COL8A1: variants seen among roughly 807,000 people sequenced by gnomAD.
The protein encoded by COL8A1 is collagen alpha-1(VIII) chain.
COL8A1 carries 21 observed loss-of-function variants against 42.7 expected under a neutral mutation model. The observed-to-expected ratio is 0.49, with a 90% confidence interval of 0.35 to 0.71. COL8A1 has a LOEUF of 0.71. COL8A1 is among the 30% of genes least tolerant of loss of function. The pLI, the probability that COL8A1 is intolerant of heterozygous loss-of-function variation, is 0.01. For synonymous variants in COL8A1, 367 were observed against 369.1 expected, an observed-to-expected ratio of 0.99 and a Z score of 0.06; for missense variants, 788 against 962.4, an observed-to-expected ratio of 0.82 and a Z score of 2.40.
intron 1 of COL8A1, among the ~76,000 whole-genome samples, chr3:99,646,424 G>T (rs780579965): frequency 2.0e-5 from 3 of 152,152 alleles, no homozygotes; most frequent in African/African-American, 7.2e-5. Context: ...GGCAAGGGGC[G>T]TGTCACTGAT....
At chr3:99,698,137 G>A (rs1939433343) in intron 1 of COL8A1, among the ~76,000 whole-genome samples, 2 of 152,214 alleles carry the variant, frequency 1.3e-5, no homozygotes, top group South Asian at 2.1e-4. Flanking sequence ...CCCTGCAAAG[G>A]ACAGGAACTC....
chr3:99,729,667 T>C (rs962945864), intron 1 of COL8A1, among the ~76,000 whole-genome samples: 1 of 152,022 alleles, frequency 6.6e-6, no homozygotes, highest in Admixed American at 6.6e-5. Context: ...TCCTAGAGTT[T>C]TATGAGACTC....
chr3:99,671,708 A>T (rs928412716), intron 1 of COL8A1, among the ~76,000 whole-genome samples: 1 of 152,016 alleles, frequency 6.6e-6, no homozygotes, highest in African/African-American at 2.4e-5. Flanking sequence ...GAACCATTGT[A>T]CATTGTTGGT....
chr3:99,767,960 G>A (rs557969052), intron 2 of COL8A1, among the ~76,000 whole-genome samples: 10 of 152,272 alleles, frequency 6.6e-5, no homozygotes, highest in African/African-American at 2.4e-4. Context: ...GGTGATATAA[G>A]GAGATTGTCA....
intron 1 of COL8A1, among the ~76,000 whole-genome samples, chr3:99,697,332 C>G (rs1254509349): frequency 6.6e-6 from 1 of 152,138 alleles, no homozygotes; most frequent in Non-Finnish European, 1.5e-5. Flanking sequence ...TTTCAGCTAT[C>G]AAATGTTTCC....
intron 1 of COL8A1, among the ~76,000 whole-genome samples, chr3:99,743,953 T>C (rs1057061916): frequency 2.7e-5 from 4 of 150,454 alleles, no homozygotes; most frequent in Non-Finnish European, 4.4e-5. Flanking sequence ...TTTTGAGACG[T>C]AGTCTCACTC....
intron 2 of COL8A1, among the ~76,000 whole-genome samples, chr3:99,777,474 T>A (rs570112701): frequency 6.6e-6 from 1 of 152,310 alleles, no homozygotes; most frequent in Admixed American, 6.5e-5. Flanking sequence ...AACCAATCCT[T>A]AATCTGTTTG....
chr3:99,768,741 T>G (rs1024070366), intron 2 of COL8A1, among the ~76,000 whole-genome samples: 4 of 152,218 alleles, frequency 2.6e-5, no homozygotes, highest in Non-Finnish European at 5.9e-5. Flanking sequence ...AGTCTCTAAC[T>G]CTACCGGAGG....
At chr3:99,766,687 C>T (rs919909552) in intron 2 of COL8A1, among the ~76,000 whole-genome samples, 2 of 152,208 alleles carry the variant, frequency 1.3e-5, no homozygotes, top group Non-Finnish European at 2.9e-5. Flanking sequence ...CAGTGGCTCA[C>T]GCCTGTAATC....
intron 1 of COL8A1, among the ~76,000 whole-genome samples, chr3:99,718,750 C>T (rs1009042140): frequency 3.3e-5 from 5 of 151,798 alleles, no homozygotes; most frequent in Non-Finnish European, 5.9e-5. Flanking sequence ...ATGTTATGAG[C>T]CAAAATTAGT....
intron 2 of COL8A1, among the ~76,000 whole-genome samples, chr3:99,767,524 G>GT (rs1941487086): frequency 6.6e-6 from 1 of 152,100 alleles, no homozygotes; most frequent in South Asian, 2.1e-4. Flanking sequence ...GACCCAACAT[G>GT]TTTTTTTGGA....
intron 1 of COL8A1, chr3:99,691,562 C>T (rs990228034): frequency 6.6e-5 from 10 of 152,024 alleles, no homozygotes; most frequent in African/African-American, 2.4e-4. Flanking sequence ...TTTTATAAGA[C>T]CCCCAGGTGG....
At chr3:99,715,215 G>A (rs1252106658) in intron 1 of COL8A1, among the ~76,000 whole-genome samples, 4 of 152,066 alleles carry the variant, frequency 2.6e-5, no homozygotes, top group African/African-American at 9.7e-5. Flanking sequence ...TGGGTGGAGA[G>A]TGAGAGGTCA....
chr3:99,719,257 C>T (rs924439301), intron 1 of COL8A1, among the ~76,000 whole-genome samples: 11 of 152,050 alleles, frequency 7.2e-5, no homozygotes, highest in Middle Eastern at 3.2e-3. Flanking sequence ...ATAGTTCAGG[C>T]TCTGTGCTGG....
intron 1 of COL8A1, among the ~76,000 whole-genome samples, chr3:99,738,456 A>G (rs1940798794): frequency 6.6e-6 from 1 of 152,192 alleles, no homozygotes; most frequent in African/African-American, 2.4e-5. Context: ...CAGGACCCTC[A>G]GCTGCAGGTC....
intron 1 of COL8A1, among the ~76,000 whole-genome samples, chr3:99,651,760 C>G (rs16841583): frequency 6.6e-6 from 1 of 152,140 alleles, no homozygotes; most frequent in East Asian, 1.9e-4. Flanking sequence ...GGCCACCCTA[C>G]GTGCTTTCCT....
At chr3:99,774,815 C>A (rs1941661334) in intron 2 of COL8A1, among the ~76,000 whole-genome samples, 1 of 152,062 alleles carries the variant, frequency 6.6e-6, no homozygotes, top group Non-Finnish European at 1.5e-5. Flanking sequence ...TGTGTCTCAG[C>A]ACTTGCTAAG....
chr3:99,765,001 T>C (rs776192835), intron 2 of COL8A1, among the ~76,000 whole-genome samples: 17 of 152,192 alleles, frequency 1.1e-4, no homozygotes, highest in Non-Finnish European at 1.8e-4. Context: ...GATGAAGTTG[T>C]TAACCATACT....
At chr3:99,664,541 C>G (rs1253443555) in intron 1 of COL8A1, among the ~76,000 whole-genome samples, 1 of 152,014 alleles carries the variant, frequency 6.6e-6, no homozygotes, top group East Asian at 1.9e-4. Context: ...AATCTTTCTT[C>G]TCTCCCACCA....
Sources: gnomAD v4.1 joint callset for allele counts (sites outside exome capture counted in the v4.1 genomes callset) on GRCh38, gnomAD v4.1.1 for gene constraint, MANE v1.5 for transcripts, NCBI Gene and HGNC (gene_info 2026-07-23, HGNC 2026-07-21) for gene names.